Variants in WWOX observed in about 807,000 individuals in gnomAD.
WWOX encodes the protein WW domain containing oxidoreductase, also known as WW domain-containing oxidoreductase.
A neutral mutation model predicts 46.2 loss-of-function variants in WWOX; 69 were observed. That is an observed-to-expected ratio of 1.49 (90% confidence interval 1.23 to 1.82). The LOEUF is 1.82. Among genes scored for constraint, WWOX ranks in the 40% most tolerant of loss-of-function variants. The probability of loss-of-function intolerance (pLI) is 0.00; values close to 1 mark genes in which losing one functional copy is unlikely to be tolerated. For synonymous variants in WWOX, 359 were observed against 202.6 expected, an observed-to-expected ratio of 1.77 and a Z score of -6.56; for missense variants, 919 against 542.6, an observed-to-expected ratio of 1.69 and a Z score of -6.89.
At position 78,226,013 on chromosome 16, in the gene WWOX, A is replaced by C. The variant is rs181086351; in HGVS notation, c.516+61724A>C. Among the ~76,000 whole-genome samples the C allele has an allele frequency of 2.6e-5, 4 of 152,306 alleles. No homozygotes were observed. In the East Asian group the frequency reaches 7.7e-4, roughly 29 times the overall value. ...CTATTCCTTTTACTGGTACTTCTGC[A>C]TCTTAAAAAAACAAAACAAAACAAC... is the stretch of plus-strand genomic sequence containing the variant. On this transcript the variant is annotated intron_variant, in intron 5 of 8. Coordinates refer to ENST00000566780, the MANE Select transcript of WWOX (RefSeq NM_016373.4).
chr16:78,341,429 A>G lies in WWOX; in HGVS notation c.517-45431A>G, dbSNP rs936970422. Among the ~76,000 whole-genome samples the G allele has an allele frequency of 7.4e-5, 9 of 121,386 alleles. 3 individuals are homozygous for G. The highest frequency in any genetic ancestry group is 2.2e-4 in the African/African-American group (8 of 35,926). 79.6% of individuals were successfully genotyped at this position (121,386 alleles called of 152,430 possible). Reference sequence around the variant, plus strand: ...AAAAAATCAATATGTATAATCCACCATCTTTGTTCCTTTTATTTTTATGTT... The same window carrying G: ...AAAAAATCAATATGTATAATCCACCGTCTTTGTTCCTTTTATTTTTATGTT... On this transcript the variant is annotated intron_variant, in intron 5 of 8. Coordinates refer to ENST00000566780, the MANE Select transcript of WWOX (RefSeq NM_016373.4).
At chr16:78,862,996 G>C (rs754713116) in intron 8 of WWOX, among the ~76,000 whole-genome samples, 22 of 134,768 alleles carry the variant, frequency 1.6e-4, no homozygotes, top group African/African-American at 4.2e-4. Context: ...GTCTTGCTCT[G>C]TTGCCAGGGT....
intron 8 of WWOX, among the ~76,000 whole-genome samples, chr16:78,543,068 T>G (rs1424967622): frequency 6.6e-6 from 1 of 152,122 alleles, no homozygotes; most frequent in Non-Finnish European, 1.5e-5. Flanking sequence ...TTGAGCAGAG[T>G]ACATGTGTTT....
intron 8 of WWOX, among the ~76,000 whole-genome samples, chr16:78,872,346 G>C (rs370649806): frequency 8.5e-5 from 13 of 152,156 alleles, no homozygotes; most frequent in African/African-American, 3.1e-4. Flanking sequence ...TGCAGACTGA[G>C]GACTCAACAA....
chr16:78,479,439 T>C (rs2084434940), intron 8 of WWOX, among the ~76,000 whole-genome samples: 2 of 152,242 alleles, frequency 1.3e-5, no homozygotes. Flanking sequence ...TTTATAACTA[T>C]AGTTTATTTG....
intron 4 of WWOX, among the ~76,000 whole-genome samples, chr16:78,138,937 T>G (rs1164727029): frequency 6.6e-6 from 1 of 152,144 alleles, no homozygotes; most frequent in African/African-American, 2.4e-5. Context: ...CTCCTAACAT[T>G]TGCAACGAGG....
At chr16:79,165,293 T>C (rs886417892) in intron 8 of WWOX, among the ~76,000 whole-genome samples, 17 of 152,182 alleles carry the variant, frequency 1.1e-4, no homozygotes, top group Non-Finnish European at 1.9e-4. Context: ...TTCATGTGTG[T>C]GTGCACACAT....
chr16:78,932,605 C>T (rs376793256), intron 8 of WWOX, among the ~76,000 whole-genome samples: 2 of 152,216 alleles, frequency 1.3e-5, no homozygotes, highest in Admixed American at 6.5e-5. Context: ...GCCGACCAAG[C>T]GCTGGAATTG....
chr16:78,278,549 A>G, intron 5 of WWOX: 5 of 1,539,098 alleles, frequency 3.2e-6, no homozygotes, highest in South Asian at 2.3e-5. Flanking sequence ...AAACAGTTCT[A>G]TGTTGTTCTC....
chr16:78,466,343 T>C (rs570022664), intron 8 of WWOX, among the ~76,000 whole-genome samples: 3 of 152,172 alleles, frequency 2.0e-5, no homozygotes, highest in Admixed American at 1.3e-4. Context: ...TGGGTACAAG[T>C]TTCCTTTGGG....
intron 8 of WWOX, among the ~76,000 whole-genome samples, chr16:78,976,542 C>A (rs1011436619): frequency 4.6e-5 from 7 of 152,202 alleles, no homozygotes; most frequent in African/African-American, 1.7e-4. Flanking sequence ...TGCACTTTGC[C>A]ATCATAGCTT....
intron 8 of WWOX, among the ~76,000 whole-genome samples, chr16:78,565,128 T>A (rs1392819476): frequency 1.3e-5 from 2 of 152,196 alleles, no homozygotes; most frequent in South Asian, 4.1e-4. Flanking sequence ...CATAGCAGAG[T>A]AGAAGGAACT....
At chr16:78,177,435 C>T (rs1172593335) in intron 5 of WWOX, among the ~76,000 whole-genome samples, 2 of 152,156 alleles carry the variant, frequency 1.3e-5, no homozygotes, top group Non-Finnish European at 2.9e-5. Flanking sequence ...TCCCATGACT[C>T]ATGAAAGATG....
chr16:79,100,639 A>G (rs985208989), intron 8 of WWOX, among the ~76,000 whole-genome samples: 1 of 151,964 alleles, frequency 6.6e-6, no homozygotes, highest in African/African-American at 2.4e-5. Context: ...CCGCGTTGCA[A>G]TTTTTCTGCA....
At chr16:78,506,564 T>TC (rs1254447376) in intron 8 of WWOX, 1 of 152,130 alleles carries the variant, frequency 6.6e-6, no homozygotes, top group Non-Finnish European at 1.5e-5. Context: ...GGACACAGAA[T>TC]CCCCTAAGTG....
At position 79,040,065 on chromosome 16, in the gene WWOX, A is replaced by G. The variant is rs894849429; in HGVS notation, c.1057-171543A>G. Among the ~76,000 whole-genome samples the G allele has an allele frequency of 3.5e-4, 54 of 152,256 alleles. 1 individual carries two copies. Among genetic ancestry groups the G allele is most frequent in the African/African-American group, 1.3e-3 (53 of 41,560 alleles). Reference sequence around the variant, plus strand: ...CACCCTGCTGTGCCTCAGTGTTTCCATCTATAAACTGGGTATAATAATCAT... The same window carrying G: ...CACCCTGCTGTGCCTCAGTGTTTCCGTCTATAAACTGGGTATAATAATCAT... On this transcript the variant is annotated intron_variant, in intron 8 of 8. Coordinates refer to ENST00000566780, the MANE Select transcript of WWOX (RefSeq NM_016373.4).
chr16:78,971,307 T>A (rs2046463895), intron 8 of WWOX, among the ~76,000 whole-genome samples: 1 of 151,544 alleles, frequency 6.6e-6, no homozygotes, highest in Non-Finnish European at 1.5e-5. Flanking sequence ...CTACTAAAAA[T>A]ACAAAAATTA....
At chr16:78,261,161 A>AATGTTTAT (rs1384045255) in intron 5 of WWOX, among the ~76,000 whole-genome samples, 15 of 150,748 alleles carry the variant, frequency 1.0e-4, no homozygotes, top group Admixed American at 6.6e-5. Context: ...TTTAGCATAG[A>AATGTTTAT]ATGTTTATAT....
chr16:79,028,008 G>C (rs1051749662), intron 8 of WWOX, among the ~76,000 whole-genome samples: 1 of 151,830 alleles, frequency 6.6e-6, no homozygotes, highest in African/African-American at 2.4e-5. Context: ...CTGGAGTGCA[G>C]TGGTGCAATC....
Sources: gnomAD v4.1 joint callset for allele counts (sites outside exome capture counted in the v4.1 genomes callset) on GRCh38, gnomAD v4.1.1 for gene constraint, MANE v1.5 for transcripts, NCBI Gene and HGNC (gene_info 2026-07-23, HGNC 2026-07-21) for gene names.